Variants in ADGRB2 observed in about 807,000 individuals in gnomAD.
ADGRB2 encodes brain-specific angiogenesis inhibitor 2.
A neutral mutation model predicts 178.7 loss-of-function variants in ADGRB2; 47 were observed. The ratio of observed to expected loss-of-function variants is 0.26; its 90% confidence interval spans 0.21 to 0.34. ADGRB2 has a LOEUF of 0.34. Ranked by LOEUF, ADGRB2 falls within the 10% of genes least tolerant of loss-of-function variation. The probability of loss-of-function intolerance (pLI) is 1.00; values close to 1 mark genes in which losing one functional copy is unlikely to be tolerated. For synonymous variants in ADGRB2, 870 were observed against 912.4 expected (o/e 0.95, Z 0.84); for missense variants, 1,584 against 2,180.8 (o/e 0.73, Z 5.45).
At chr1:31,749,941 GAAAGAAAGGAAAGAA>G (rs1646476253) in intron 4 of ADGRB2, among the ~76,000 whole-genome samples, 2 of 150,554 alleles carry the variant, frequency 1.3e-5, no homozygotes, top group African/African-American at 4.9e-5. Flanking sequence ...GAGAGAGAAA[GAAAGAAAGGAAAGAA>G]AGAAAGAAAG....
chr1:31,733,632 C>T lies in ADGRB2; in HGVS notation c.3453-489G>A, dbSNP rs963540006. ...AGAAAGATTAAACAGGCAGAGCACG[C>T]GGGGGACATCCAGAGCACGAATCCT... On this transcript the variant is annotated intron_variant, in intron 25 of 32. Transcript: ENST00000373658. This position sits in a 1 kb window ranked among gnomAD's most constrained non-coding sequence, Gnocchi z 4.3. Among the ~76,000 whole-genome samples the T allele has an allele frequency of 6.6e-6, 1 of 152,094 alleles. No individual in the cohort carries two copies. Among genetic ancestry groups the T allele is most frequent in the African/African-American group, 2.4e-5 (1 of 41,396 alleles).
intron 1 of ADGRB2, among the ~76,000 whole-genome samples, chr1:31,762,339 C>T (rs1647064502): frequency 6.6e-6 from 1 of 152,106 alleles, no homozygotes; most frequent in Non-Finnish European, 1.5e-5. Context: ...ACCCCAGTAG[C>T]AGTGCAGAGG....
At position 31,735,370 on chromosome 1, in the gene ADGRB2, G is replaced by T; in HGVS notation, c.3354-89C>A. 1.7e-6 allele frequency: 2 copies of T among 1,173,026 alleles called. No individual in the cohort carries two copies. The highest frequency in any genetic ancestry group is 2.4e-6 in the Non-Finnish European group (2 of 817,314). The allele number at this position is 1,173,026 out of a possible 1,614,324, so 72.7% of individuals were successfully genotyped here. On this transcript the variant is annotated intron_variant, in intron 24 of 32. Coordinates refer to ENST00000373658, the MANE Select transcript of ADGRB2 (RefSeq NM_001364857.2). The surrounding 1 kb of genome is among the most constrained non-coding windows in gnomAD (Gnocchi z 6.0). Reference sequence around the variant, plus strand: ...GAATGAGCCCCGAGTGGGGTGGGAGGGGAGGGCAGACGAGAGAGAGAGAGC... The same window carrying T: ...GAATGAGCCCCGAGTGGGGTGGGAGTGGAGGGCAGACGAGAGAGAGAGAGC...
Position 31,737,343 on chromosome 1 carries a change from G to A in ADGRB2, c.2979+86C>T, listed in dbSNP as rs551436976. The A allele has an allele frequency of 2.3e-4, 298 of 1,284,912 alleles. 1 individual carries two copies. Among genetic ancestry groups the A allele is most frequent in the Middle Eastern group, 2.0e-4 (1 of 4,922 alleles). 79.6% of individuals were successfully genotyped at this position (1,284,912 alleles called of 1,614,324 possible). On this transcript the variant is annotated intron_variant, in intron 20 of 32. Coordinates refer to ENST00000373658, the MANE Select transcript of ADGRB2 (RefSeq NM_001364857.2). ...CACACATACACCACCACTAATGGACGTACAAGCAAACACACACACTGCGCT... is the reference window on the plus strand; with the variant it reads ...CACACATACACCACCACTAATGGACATACAAGCAAACACACACACTGCGCT...
rs1289618305 is a variant in ADGRB2 at position 31,731,037 on chromosome 1, G to A, written c.4143C>T (p.Thr1381=). ...CCACTGTCTTGGCAGCTCGCCGGGG[G>A]GTCCCCTCCGGCCGGGCCCTGGGGG... ...EDAPRARPEG[T]PRRAAKTVAH... The change falls in exon 29 of 33, where the codon ACC becomes ACT. Residue 1381 remains threonine (T), a synonymous_variant. Transcript: ENST00000373658. 4 of 1,585,390 alleles carry A rather than the reference G, an allele frequency of 2.5e-6. No individual in the cohort carries two copies. In the Admixed American group the frequency reaches 5.2e-5, roughly 21 times the overall value.
At chr1:31,757,551 A>C (rs1646900586) in intron 1 of ADGRB2, 40 bp from the exon 2 acceptor site, 1 of 321,750 alleles carries the variant, frequency 3.1e-6, no homozygotes, top group Non-Finnish European at 5.8e-6. Flanking sequence ...GTAAGGGGAC[A>C]TTGGGCTTGA....
At chr1:31,745,515 C>T (rs1646228506) in intron 4 of ADGRB2, among the ~76,000 whole-genome samples, 1 of 152,194 alleles carries the variant, frequency 6.6e-6, no homozygotes, top group South Asian at 2.1e-4. Context: ...CTGGTGGCTT[C>T]CATTCTCCAA....
chr1:31,728,775 T>G lies in ADGRB2; in HGVS notation c.4381-142A>C, dbSNP rs561696512. On this transcript the variant is annotated intron_variant, in intron 29 of 32. Coordinates refer to ENST00000373658, the MANE Select transcript of ADGRB2 (RefSeq NM_001364857.2). This position sits in a 1 kb window ranked among gnomAD's most constrained non-coding sequence, Gnocchi z 6.7. ...ACCCAGGCCCAGAAGTTGCGGACCT[T>G]CATGGGGCAGCTTTTCAGGCCTCAC... 7.9e-5 allele frequency: 61 copies of G among 776,608 alleles called. 1 individual carries two copies. Among genetic ancestry groups the G allele is most frequent in the Non-Finnish European group, 1.1e-4 (54 of 473,226 alleles). The allele number at this position is 776,608 out of a possible 1,614,324, so 48.1% of individuals were successfully genotyped here.
rs1347496150 is a variant in ADGRB2, at chr1:31,740,629, T to C, written c.1795-88A>G. On this transcript the variant is annotated intron_variant, in intron 11 of 32. Transcript: ENST00000373658. This position sits in a 1 kb window ranked among gnomAD's most constrained non-coding sequence, Gnocchi z 5.9. ...ATCCCACTCCAGTCCACCCACTGCT[T>C]GCATCCACGGGGAGAGAAAGGGGGA... 9 of 1,371,498 alleles carry C rather than the reference T, an allele frequency of 6.6e-6. No homozygotes were observed. The East Asian group carries it at 2.3e-4, about 35-fold the overall frequency. 85.0% of individuals were successfully genotyped at this position (1,371,498 alleles called of 1,614,324 possible).
chr1:31,742,851 C>A lies in ADGRB2; in HGVS notation c.1239G>T (p.Met413Ile). 1 of 1,489,564 alleles carries A rather than the reference C, an allele frequency of 6.7e-7. No homozygotes were observed. The highest frequency in any genetic ancestry group is 9.0e-7 in the Non-Finnish European group (1 of 1,110,848). The allele number at this position is 1,489,564 out of a possible 1,614,324, so 92.3% of individuals were successfully genotyped here. A position where few individuals can be genotyped will look rare whatever the true frequency, so the allele number is the denominator to read the frequency against. Residue 413 changes from methionine to isoleucine, a missense_variant, in exon 7 of 33, where the codon ATG becomes ATT. By Grantham distance (10) the Met-to-Ile change is conservative. This residue lies in a region of ADGRB2 where 657 missense variants were observed against 847.6 expected (regional missense o/e 0.78). Transcript: ENST00000373658. ...GPELQTKLCSMAACPVEGQWL... is the reference protein window; with the variant it reads ...GPELQTKLCSIAACPVEGQWL... ...GGTGCTACTGACCCGGGCAGGCAGC[C>A]ATACTGCAGAGCTTAGTCTGCAGCT...
rs1387039695 is a variant in ADGRB2 at position 31,763,874 on chromosome 1, G to A, written c.-191+10C>T. 1.0e-6 allele frequency: 1 copy of A among 985,250 alleles called. No homozygotes were observed. The highest frequency in any genetic ancestry group is 1.2e-6 in the Non-Finnish European group (1 of 829,862). The allele number at this position is 985,250 out of a possible 1,614,324, so 61.0% of individuals were successfully genotyped here. A position where few individuals can be genotyped will look rare whatever the true frequency, so the allele number is the denominator to read the frequency against. On this transcript the variant is annotated intron_variant, in intron 1 of 32. Coordinates refer to ENST00000373658, the MANE Select transcript of ADGRB2 (RefSeq NM_001364857.2). The stretch of plus-strand genomic sequence containing the variant: ...CGAGGCCAGGTCGGGGTCTGGGGCC[G>A]AGCACTCACCTGGGCGCCGTCAGCA...
chr1:31,740,239 A>G lies in ADGRB2; in HGVS notation c.1990-61T>C. 1 of 1,610,144 alleles carries G rather than the reference A, an allele frequency of 6.2e-7. No homozygotes were observed. Among genetic ancestry groups the G allele is most frequent in the Non-Finnish European group, 8.5e-7 (1 of 1,177,704 alleles). ...CCCCAGGGAACAGGGGGCTTCCCCC[A>G]CTATAGCCACACTTGCCGCCTCTAC... On this transcript the variant is annotated intron_variant, in intron 12 of 32. Transcript: ENST00000373658. The surrounding 1 kb of genome is among the most constrained non-coding windows in gnomAD (Gnocchi z 5.9).
rs937307369 is a variant in ADGRB2 at position 31,758,421 on chromosome 1, C to A, written c.-190-910G>T. ...AGCTCTGGGGACTGAATCAGAAACACAGGACAATTCACAGGTATGACTAGA... is the reference window on the plus strand; with the variant it reads ...AGCTCTGGGGACTGAATCAGAAACAAAGGACAATTCACAGGTATGACTAGA... On this transcript the variant is annotated intron_variant, in intron 1 of 32. Transcript: ENST00000373658. This position sits in a 1 kb window ranked among gnomAD's most constrained non-coding sequence, Gnocchi z 4.2. 1.3e-5 allele frequency among the ~76,000 whole-genome samples: 2 copies of A among 152,202 alleles called. No homozygotes were observed. Among genetic ancestry groups the A allele is most frequent in the Admixed American group, 1.3e-4 (2 of 15,282 alleles).
Position 31,730,867 on chromosome 1 carries a change from G to T in ADGRB2, c.4313C>A (p.Pro1438Gln). ...PTPSARQVPE[P>Q]GERSRTMPRT... ...AGGCATGGTCCGGCTGCGCTCCCCT[G>T]GCTCGGGCACTTGGCGGGCGCTGGG... Residue 1438 changes from proline to glutamine, a missense_variant, in exon 29 of 33, where the codon CCA (proline) becomes CAA (glutamine). By Grantham distance (76) the Pro-to-Gln change is moderately conservative. This residue lies in a region of ADGRB2 where 865 missense variants were observed against 1,192.8 expected (regional missense o/e 0.73). Transcript: ENST00000373658. 1 of 1,559,676 alleles carries T rather than the reference G, an allele frequency of 6.4e-7. No individual in the cohort carries two copies.
At position 31,740,716 on chromosome 1, in the gene ADGRB2, G is replaced by A. The variant is rs1038566683; in HGVS notation, c.1795-175C>T. Among the ~76,000 whole-genome samples the A allele has an allele frequency of 2.6e-5, 4 of 151,962 alleles. No individual in the cohort carries two copies. The East Asian group carries it at 5.8e-4, about 22-fold the overall frequency. On this transcript the variant is annotated intron_variant, in intron 11 of 32. Transcript: ENST00000373658. This position sits in a 1 kb window ranked among gnomAD's most constrained non-coding sequence, Gnocchi z 5.9. ...ACAGAGTCCGAGAAAGAGACTCATA[G>A]AGAGAGAGAGAATCCCAAAGGGTAC...
rs1039600183 is a variant in ADGRB2, at chr1:31,759,150, G to A, written c.-190-1639C>T. On this transcript the variant is annotated intron_variant, in intron 1 of 32. Coordinates refer to ENST00000373658, the MANE Select transcript of ADGRB2 (RefSeq NM_001364857.2). This position sits in a 1 kb window ranked among gnomAD's most constrained non-coding sequence, Gnocchi z 4.3. ...AAGCATGAGGGCACAGATGTTCACA[G>A]GAGTTCTGCATATGAATGGATACAT... Among the ~76,000 whole-genome samples, 16 of 152,208 alleles carry A rather than the reference G, an allele frequency of 1.1e-4. No homozygotes were observed. The highest frequency in any genetic ancestry group is 3.6e-4 in the African/African-American group (15 of 41,436).
chr1:31,762,903 C>A (rs1170235692), intron 1 of ADGRB2, among the ~76,000 whole-genome samples: 1 of 152,198 alleles, frequency 6.6e-6, no homozygotes, highest in Admixed American at 6.5e-5. Context: ...GGGCGCCCCT[C>A]CCCCCGGCGG....
chr1:31,745,807 C>A (rs1055575992), intron 4 of ADGRB2, among the ~76,000 whole-genome samples: 1 of 152,334 alleles, frequency 6.6e-6, no homozygotes, highest in African/African-American at 2.4e-5. Context: ...CTTCCTGCCC[C>A]CTGCTGCCCA....
rs773718312 is a variant in ADGRB2, at chr1:31,737,754, G to A, written c.2774C>T (p.Thr925Ile). The change falls in exon 19 of 33, where the codon ACC becomes ATC. Residue 925 changes from threonine to isoleucine, a missense_variant and splice_region_variant. By Grantham distance (89) the Thr-to-Ile change is moderately conservative. This residue lies in a region of ADGRB2 where 865 missense variants were observed against 1,192.8 expected (regional missense o/e 0.73). Coordinates refer to ENST00000373658, the MANE Select transcript of ADGRB2 (RefSeq NM_001364857.2). ...CGAGGGGGAGCCCGCCAGCTCCAGG[G>A]TCTGGGGAAGATGGGCAGACAGTCA... ...AVLAQPPKDLTLELAGSPSVP... is the reference protein window; with the variant it reads ...AVLAQPPKDLILELAGSPSVP... 1.9e-6 allele frequency: 3 copies of A among 1,613,406 alleles called. No homozygotes were observed. The highest frequency in any genetic ancestry group is 2.5e-6 in the Non-Finnish European group (3 of 1,179,944).
Sources: gnomAD v4.1 joint callset for allele counts (sites outside exome capture counted in the v4.1 genomes callset) on GRCh38, gnomAD v4.1.1 for gene constraint, gnomAD v4.1.1 regional missense constraint, Gnocchi (gnomAD v3.1) non-coding constraint, MANE v1.5 for transcripts, NCBI Gene and HGNC (gene_info 2026-07-23, HGNC 2026-07-21) for gene names.